The following AHCYL2 variants were observed in gnomAD, a reference collection of about 807,000 sequenced individuals.
The protein encoded by AHCYL2 is S-adenosylhomocysteine hydrolase-like protein 2.
In AHCYL2, 28 loss-of-function variants were observed where a neutral mutation model predicts 81.4. The ratio of observed to expected loss-of-function variants is 0.34; its 90% confidence interval spans 0.25 to 0.47. The LOEUF (loss-of-function observed/expected upper bound fraction) is 0.47. Ranked by LOEUF, AHCYL2 falls within the 20% of genes least tolerant of loss-of-function variation. The pLI is 1.00. For synonymous variants in AHCYL2, 272 were observed against 290.2 expected (o/e 0.94, Z 0.64); for missense variants, 551 against 785.1 (o/e 0.70, Z 3.56).
intron 1 of AHCYL2, among the ~76,000 whole-genome samples, chr7:129,330,502 A>G (rs1190217312): frequency 7.1e-6 from 1 of 141,268 alleles, no homozygotes; most frequent in East Asian, 2.1e-4. Flanking sequence ...ACGGAGTCTC[A>G]CTCTGTCGTC....
intron 1 of AHCYL2, among the ~76,000 whole-genome samples, chr7:129,256,423 A>G (rs942659192): frequency 2.0e-5 from 3 of 152,106 alleles, no homozygotes; most frequent in Middle Eastern, 3.4e-3. Flanking sequence ...GTGTATACAT[A>G]CTTTTTTGTC....
At chr7:129,308,236 A>G (rs1210159557) in intron 1 of AHCYL2, among the ~76,000 whole-genome samples, 1 of 152,158 alleles carries the variant, frequency 6.6e-6, no homozygotes, top group Non-Finnish European at 1.5e-5. Flanking sequence ...ACTTTAGCCC[A>G]TGGTAGCAGG....
intron 1 of AHCYL2, among the ~76,000 whole-genome samples, chr7:129,242,005 A>C (rs148943232): frequency 6.6e-6 from 1 of 152,030 alleles, no homozygotes; most frequent in Non-Finnish European, 1.5e-5. Context: ...TACTTTTGCT[A>C]TATATTCTTT....
At chr7:129,239,452 TG>T (rs1794764665) in intron 1 of AHCYL2, among the ~76,000 whole-genome samples, 1 of 150,846 alleles carries the variant, frequency 6.6e-6, no homozygotes, top group South Asian at 2.1e-4. Context: ...TTTTTAGAGA[TG>T]GGGGTCTTGC....
chr7:129,316,753 CTT>C (rs1180040505), intron 1 of AHCYL2, among the ~76,000 whole-genome samples: 1 of 152,202 alleles, frequency 6.6e-6, no homozygotes, highest in Non-Finnish European at 1.5e-5. Flanking sequence ...AGTTTAGAAA[CTT>C]TGGCAAATTT....
rs1797343860 is a variant in AHCYL2 at position 129,304,099 on chromosome 7, C to G, written c.364-75539C>G. Among the ~76,000 whole-genome samples the G allele has an allele frequency of 2.6e-5, 4 of 152,088 alleles. No homozygotes were observed. In the South Asian group the frequency reaches 8.3e-4, roughly 32 times the overall value. ...AATAAATAAATAAACAAACAAACTT[C>G]CCTCTTAGTACTGCTTTAGCTGTAT... On this transcript the variant is annotated intron_variant, in intron 1 of 16. Coordinates refer to ENST00000325006, the MANE Select transcript of AHCYL2 (RefSeq NM_015328.4).
intron 10 of AHCYL2, among the ~76,000 whole-genome samples, chr7:129,407,013 A>G (rs1796338783): frequency 6.6e-6 from 1 of 152,206 alleles, no homozygotes; most frequent in Non-Finnish European, 1.5e-5. Context: ...AAATGTGTGT[A>G]ATCATACCTA....
chr7:129,381,927 T>C (rs190199132), intron 2 of AHCYL2, among the ~76,000 whole-genome samples: 1 of 152,366 alleles, frequency 6.6e-6, no homozygotes, highest in African/African-American at 2.4e-5. Flanking sequence ...CTGCATCACA[T>C]GCACTGTTAC....
intron 1 of AHCYL2, among the ~76,000 whole-genome samples, chr7:129,244,133 G>A (rs1050701731): frequency 2.6e-5 from 4 of 151,500 alleles, no homozygotes; most frequent in African/African-American, 9.7e-5. Flanking sequence ...CCTGTAGCTG[G>A]GACTACAGGT....
Position 129,417,783 on chromosome 7 carries a change from T to C in AHCYL2, c.1461+4095T>C, listed in dbSNP as rs1584907981. ...TATTCAGTGTTTAGCAAATTTATATTGAATACCTGCTCTGTGCCAGATACC... is the reference window on the plus strand; with the variant it reads ...TATTCAGTGTTTAGCAAATTTATATCGAATACCTGCTCTGTGCCAGATACC... On this transcript the variant is annotated intron_variant, in intron 12 of 16. Coordinates refer to ENST00000325006, the MANE Select transcript of AHCYL2 (RefSeq NM_015328.4). Among the ~76,000 whole-genome samples, 8 of 152,346 alleles carry C rather than the reference T, an allele frequency of 5.3e-5. 1 individual carries two copies. Among genetic ancestry groups the C allele is most frequent in the Admixed American group, 5.2e-4 (8 of 15,310 alleles).
At chr7:129,340,567 CAA>C (rs569272896) in intron 1 of AHCYL2, among the ~76,000 whole-genome samples, 11 of 82,200 alleles carry the variant, frequency 1.3e-4, no homozygotes, top group African/African-American at 2.3e-4. Flanking sequence ...GACTCCGTCT[CAA>C]AAAAAAAAAA....
At chr7:129,283,851 G>T (rs1796535249) in intron 1 of AHCYL2, among the ~76,000 whole-genome samples, 2 of 152,156 alleles carry the variant, frequency 1.3e-5, no homozygotes, top group Non-Finnish European at 2.9e-5. Context: ...TATCTTGTTT[G>T]ATTTGATCTT....
rs1414513593 is a variant in AHCYL2, at chr7:129,368,523, C to T, written c.364-11115C>T. ...GAGAAGTGGGACGGTAATGAGGGCA[C>T]CTCAGCTTTTCACATGCCTGAGTGG... On this transcript the variant is annotated intron_variant, in intron 1 of 16. Transcript: ENST00000325006. The surrounding 1 kb of genome is among the most constrained non-coding windows in gnomAD (Gnocchi z 4.4). 2 of 1,613,992 alleles carry T rather than the reference C, an allele frequency of 1.2e-6. No individual in the cohort carries two copies. The highest frequency in any genetic ancestry group is 1.7e-5 in the Admixed American group (1 of 60,008).
At chr7:129,337,509 C>T (rs1185635491) in intron 1 of AHCYL2, among the ~76,000 whole-genome samples, 3 of 151,700 alleles carry the variant, frequency 2.0e-5, no homozygotes, top group Non-Finnish European at 1.5e-5. Context: ...AAACAATTCT[C>T]CTAGTTCAGG....
At chr7:129,397,513 A>G (rs962921791) in intron 5 of AHCYL2, among the ~76,000 whole-genome samples, 189 bp downstream of exon 5, 2 of 152,144 alleles carry the variant, frequency 1.3e-5, no homozygotes, top group Non-Finnish European at 2.9e-5. Context: ...TAACTTTGCT[A>G]TTTTACAGTT....
chr7:129,314,836 G>A (rs1797777473), intron 1 of AHCYL2, among the ~76,000 whole-genome samples: 2 of 152,140 alleles, frequency 1.3e-5, no homozygotes, highest in Admixed American at 6.5e-5. Context: ...CTGGAATAAG[G>A]TTCTAGAAGC....
At position 129,368,345 on chromosome 7, in the gene AHCYL2, T is replaced by A; in HGVS notation, c.364-11293T>A. Reference sequence around the variant, plus strand: ...AATGCTCTTGATTTGAATCGGAGGCTGCTGTGAAAAGGGATGCAGCTTCTG... The same window carrying A: ...AATGCTCTTGATTTGAATCGGAGGCAGCTGTGAAAAGGGATGCAGCTTCTG... On this transcript the variant is annotated intron_variant, in intron 1 of 16. Coordinates refer to ENST00000325006, the MANE Select transcript of AHCYL2 (RefSeq NM_015328.4). The surrounding 1 kb of genome is among the most constrained non-coding windows in gnomAD (Gnocchi z 4.4). 1 of 1,470,692 alleles carries A rather than the reference T, an allele frequency of 6.8e-7. No homozygotes were observed. Among genetic ancestry groups the A allele is most frequent in the Non-Finnish European group, 9.0e-7 (1 of 1,110,186 alleles). The allele number at this position is 1,470,692 out of a possible 1,614,324, so 91.1% of individuals were successfully genotyped here.
intron 11 of AHCYL2, among the ~76,000 whole-genome samples, chr7:129,412,168 C>A (rs1796613048): frequency 6.6e-6 from 1 of 151,616 alleles, no homozygotes; most frequent in African/African-American, 2.4e-5. Flanking sequence ...GGCAACATGG[C>A]AAAACTCTGT....
chr7:129,367,592 A>T (rs940290216), intron 1 of AHCYL2, among the ~76,000 whole-genome samples: 1 of 152,150 alleles, frequency 6.6e-6, no homozygotes, highest in Non-Finnish European at 1.5e-5. Context: ...AAAATCCAGC[A>T]TTGGTTAGGG....
Sources: allele counts gnomAD v4.1 joint callset (sites outside exome capture counted in the v4.1 genomes callset), GRCh38; gene constraint gnomAD v4.1.1; non-coding constraint Gnocchi (gnomAD v3.1); transcripts MANE v1.5; gene names NCBI Gene and HGNC (gene_info 2026-07-23, HGNC 2026-07-21).